LHFPL2: variants seen among roughly 807,000 people sequenced by gnomAD.
LHFPL2 encodes LHFPL tetraspan subfamily member 2 protein.
A neutral mutation model predicts 17.5 loss-of-function variants in LHFPL2; 7 were observed. The ratio of observed to expected loss-of-function variants is 0.40; its 90% CI spans 0.23 to 0.75. The LOEUF is 0.75. Ranked by LOEUF, LHFPL2 falls within the 30% of genes least tolerant of loss-of-function variation. The probability of loss-of-function intolerance (pLI) is 0.37; values close to 1 mark genes in which losing one functional copy is unlikely to be tolerated. For missense variants in LHFPL2, 241 were observed against 294.8 expected, an observed-to-expected ratio of 0.82 and a Z score of 1.34; for synonymous variants, 134 against 116.2, an observed-to-expected ratio of 1.15 and a Z score of -0.99.
intron 3 of LHFPL2, among the ~76,000 whole-genome samples, chr5:78,560,528 G>A (rs1013816508): frequency 6.6e-6 from 1 of 152,170 alleles, no homozygotes; most frequent in African/African-American, 2.4e-5. Context: ...CAATCATGAA[G>A]GAGGGGGATC....
chr5:78,585,456 C>CT (rs960768030), intron 2 of LHFPL2, among the ~76,000 whole-genome samples: 1 of 152,186 alleles, frequency 6.6e-6, no homozygotes, highest in Non-Finnish European at 1.5e-5. Flanking sequence ...ATGCCTCGCC[C>CT]TGCTTCGGCT....
At chr5:78,604,598 TCAAA>T (rs1222163741) in intron 2 of LHFPL2, among the ~76,000 whole-genome samples, 21 of 152,224 alleles carry the variant, frequency 1.4e-4, no homozygotes, top group East Asian at 5.8e-4. Flanking sequence ...TATGAAAAGT[TCAAA>T]CAGAGAATAA....
chr5:78,539,756 C>G (rs1202920912), intron 3 of LHFPL2, among the ~76,000 whole-genome samples: 1 of 151,762 alleles, frequency 6.6e-6, no homozygotes, highest in Non-Finnish European at 1.5e-5. Context: ...CCTGCTAAGC[C>G]ACACTGGGCA....
rs1490707121 is a variant in LHFPL2 at position 78,488,015 on chromosome 5, C to A, written c.*882G>T. The A allele has an allele frequency of 8.4e-6, 1 of 118,692 alleles. No individual in the cohort carries two copies. Among genetic ancestry groups the A allele is most frequent in the Non-Finnish European group, 1.8e-5 (1 of 55,174 alleles). 7.4% of individuals were successfully genotyped at this position (118,692 alleles called of 1,614,324 possible). ...TCCTCCCAGTGAACATCTGCATAAGCCACAGCTAGCTTGGAGACCTCAGTC... is the reference window on the plus strand; with the variant it reads ...TCCTCCCAGTGAACATCTGCATAAGACACAGCTAGCTTGGAGACCTCAGTC... On this transcript the variant is annotated 3_prime_UTR_variant, in exon 5 of 5. Transcript: ENST00000380345.
chr5:78,525,356 T>C (rs147906441), intron 3 of LHFPL2, among the ~76,000 whole-genome samples: 6 of 152,340 alleles, frequency 3.9e-5, no homozygotes, highest in African/African-American at 1.2e-4. Flanking sequence ...AGAATACATG[T>C]AAAGTGCTTT....
intron 3 of LHFPL2, among the ~76,000 whole-genome samples, chr5:78,543,217 CTA>C (rs1352810542): frequency 3.3e-5 from 5 of 152,312 alleles, no homozygotes; most frequent in Admixed American, 6.5e-5. Context: ...CACCCGGCAT[CTA>C]TAAAACCCTT....
intron 2 of LHFPL2, among the ~76,000 whole-genome samples, chr5:78,602,447 C>T (rs1036913731): frequency 6.6e-6 from 1 of 152,156 alleles, no homozygotes; most frequent in Non-Finnish European, 1.5e-5. Flanking sequence ...TCCATTCTTT[C>T]ACCCGAACAA....
In LHFPL2 at chr5:78,515,558, A is replaced by G. The variant is rs188276327; in HGVS notation, c.-185-5160T>C. On this transcript the variant is annotated intron_variant, in intron 3 of 4. Transcript: ENST00000380345. The stretch of plus-strand genomic sequence containing the variant: ...TCTGCAAGGATGGGAGGATTAAGAG[A>G]ATTAGAATGTATGTGCTTTTGCCTT... 1.0e-3 allele frequency among the ~76,000 whole-genome samples: 154 copies of G among 152,314 alleles called. 1 individual carries two copies. Among genetic ancestry groups the G allele is most frequent in the African/African-American group, 3.6e-3 (148 of 41,562 alleles).
At chr5:78,563,955 C>T (rs1262844060) in intron 3 of LHFPL2, among the ~76,000 whole-genome samples, 1 of 152,122 alleles carries the variant, frequency 6.6e-6, no homozygotes, top group Admixed American at 6.5e-5. Flanking sequence ...AACATAAGAG[C>T]AATTTTTCCT....
intron 2 of LHFPL2, among the ~76,000 whole-genome samples, chr5:78,565,544 A>G (rs1756837496): frequency 6.6e-6 from 1 of 152,256 alleles, no homozygotes; most frequent in Non-Finnish European, 1.5e-5. Context: ...ATCCTCAAAT[A>G]TCTCTTCAGC....
intron 2 of LHFPL2, among the ~76,000 whole-genome samples, chr5:78,614,495 A>G (rs1744529740): frequency 6.6e-6 from 1 of 152,266 alleles, no homozygotes; most frequent in East Asian, 1.9e-4. Flanking sequence ...AATCAAACTG[A>G]TACAAGTGGT....
At chr5:78,587,926 A>C (rs1743483525) in intron 2 of LHFPL2, among the ~76,000 whole-genome samples, 1 of 152,336 alleles carries the variant, frequency 6.6e-6, no homozygotes, top group East Asian at 1.9e-4. Context: ...ATCTGAGCTA[A>C]GGGCAAGTGA....
intron 2 of LHFPL2, among the ~76,000 whole-genome samples, chr5:78,603,812 C>T (rs1744114053): frequency 6.6e-6 from 1 of 152,184 alleles, no homozygotes; most frequent in Admixed American, 6.5e-5. Flanking sequence ...CTCAAATACC[C>T]TAATTTGGGG....
intron 3 of LHFPL2, among the ~76,000 whole-genome samples, chr5:78,541,638 C>T (rs1039237462): frequency 6.6e-6 from 1 of 152,194 alleles, no homozygotes; most frequent in African/African-American, 2.4e-5. Context: ...ACCAGCCTGC[C>T]ACCTGATAAA....
At chr5:78,574,437 G>A (rs566776522) in intron 2 of LHFPL2, among the ~76,000 whole-genome samples, 3 of 152,296 alleles carry the variant, frequency 2.0e-5, no homozygotes, top group East Asian at 1.9e-4. Context: ...CTGGCCAGAG[G>A]GCCCAGCTCA....
At chr5:78,622,047 A>C (rs1230309025) in intron 2 of LHFPL2, among the ~76,000 whole-genome samples, 1 of 152,058 alleles carries the variant, frequency 6.6e-6, no homozygotes, top group Admixed American at 6.6e-5. Context: ...ACTCATCTCA[A>C]AATACACACT....
chr5:78,619,174 T>G (rs1654666050), intron 2 of LHFPL2, among the ~76,000 whole-genome samples: 1 of 152,142 alleles, frequency 6.6e-6, no homozygotes, highest in Non-Finnish European at 1.5e-5. Context: ...TAGAAGTGTG[T>G]GCCACCACAC....
At chr5:78,521,001 T>C (rs1210579875) in intron 3 of LHFPL2, among the ~76,000 whole-genome samples, 1 of 152,228 alleles carries the variant, frequency 6.6e-6, no homozygotes, top group Non-Finnish European at 1.5e-5. Context: ...CATGGCAGAA[T>C]ACAAAGTCTT....
At chr5:78,529,434 G>A (rs1005515301) in intron 3 of LHFPL2, among the ~76,000 whole-genome samples, 5 of 152,246 alleles carry the variant, frequency 3.3e-5, no homozygotes, top group African/African-American at 1.2e-4. Flanking sequence ...CAGAGAGAAA[G>A]TATAACACTT....
Sources: allele counts gnomAD v4.1 joint callset (sites outside exome capture counted in the v4.1 genomes callset), GRCh38; gene constraint gnomAD v4.1.1; transcripts MANE v1.5; gene names NCBI Gene and HGNC (gene_info 2026-07-23, HGNC 2026-07-21).